OPA1: variants seen among roughly 807,000 people sequenced by gnomAD.
The protein encoded by OPA1 is OPA1 mitochondrial dynamin like GTPase.
Under a neutral mutation model 152.9 loss-of-function variants are expected in OPA1, and 59 were observed. The ratio of observed to expected loss-of-function variants is 0.39; its 90% CI spans 0.31 to 0.48. The LOEUF (loss-of-function observed/expected upper bound fraction) is 0.48, where lower values mean the gene tolerates loss of function less well. OPA1 is among the 20% of genes least tolerant of loss of function. OPA1 has a pLI of 0.96. For synonymous variants in OPA1, 400 were observed against 389.9 expected (o/e 1.03, Z -0.31); for missense variants, 1,008 against 1,216.8 (o/e 0.83, Z 2.55).
rs771425212 is a variant in OPA1, at chr3:193,655,036, A to G, written c.2178+9A>G. 6 of 1,611,532 alleles carry G rather than the reference A, an allele frequency of 3.7e-6. No individual in the cohort carries two copies. The highest frequency in any genetic ancestry group is 1.7e-5 in the Admixed American group (1 of 60,010). Reference sequence around the variant, plus strand: ...CTAATAAAGCAGTAGAGGTTAGGATATAATTTAATTAAATGGGTAAGAAGC... The same window carrying G: ...CTAATAAAGCAGTAGAGGTTAGGATGTAATTTAATTAAATGGGTAAGAAGC... On this transcript the variant is annotated intron_variant, in intron 22 of 30. Transcript: ENST00000361510.
chr3:193,662,674 GTTCTTTCTTGTGT>G (rs1715571719), intron 25 of OPA1, 135 bp from the exon 26 acceptor site: 2 of 703,044 alleles, frequency 2.8e-6, no homozygotes, highest in Non-Finnish European at 2.4e-6. Context: ...GGGGTGCTGT[GTTCTTTCTTGTGT>G]TTCTTTCTTG....
At chr3:193,685,039 C>T (rs574568769) in intron 29 of OPA1, among the ~76,000 whole-genome samples, 12 of 152,140 alleles carry the variant, frequency 7.9e-5, no homozygotes, top group South Asian at 2.1e-4. Context: ...CGGTGGTTCA[C>T]GCCTGTAATC....
intron 1 of OPA1, among the ~76,000 whole-genome samples, chr3:193,596,085 T>C (rs1309522855): frequency 6.6e-6 from 1 of 152,050 alleles, no homozygotes. Context: ...TGAATCCCAG[T>C]AGATCCTTTT....
chr3:193,654,031 T>A (rs1713178783), intron 21 of OPA1, among the ~76,000 whole-genome samples: 1 of 152,150 alleles, frequency 6.6e-6, no homozygotes, highest in South Asian at 2.1e-4. Flanking sequence ...ATTCCACTCT[T>A]AGGTATTTAC....
intron 21 of OPA1, among the ~76,000 whole-genome samples, chr3:193,649,189 A>C (rs1189025134): frequency 6.6e-6 from 1 of 152,086 alleles, no homozygotes; most frequent in Non-Finnish European, 1.5e-5. Context: ...AACCTGTCAA[A>C]ATTGATTTAT....
intron 26 of OPA1, among the ~76,000 whole-genome samples, chr3:193,664,409 G>A (rs1716035041): frequency 6.6e-6 from 1 of 151,818 alleles, no homozygotes; most frequent in Admixed American, 6.6e-5. Context: ...AGAGTATCTA[G>A]TAATAAAGTG....
chr3:193,658,178 G>A (rs1714332257), intron 23 of OPA1, among the ~76,000 whole-genome samples: 1 of 151,302 alleles, frequency 6.6e-6, no homozygotes, highest in African/African-American at 2.4e-5. Context: ...CCAGGAAGGG[G>A]AGGTTGCGGT....
rs768251270 is a variant in OPA1 at position 193,617,151 on chromosome 3, T to C, written c.449-27T>C. 35 of 1,337,558 alleles carry C rather than the reference T, an allele frequency of 2.6e-5. No homozygotes were observed. In the South Asian group the frequency reaches 4.0e-4, roughly 15 times the overall value. 82.9% of individuals were successfully genotyped at this position (1,337,558 alleles called of 1,614,324 possible). On this transcript the variant is annotated intron_variant, in intron 3 of 30. Coordinates refer to ENST00000361510, the MANE Select transcript of OPA1 (RefSeq NM_130837.3). ...TATCTGACATATTTTCTTAGTTTCA[T>C]ACTCTATATGTTTTGATCTTTTCCA...
chr3:193,658,968 G>C lies in OPA1; in HGVS notation c.2413G>C (p.Glu805Gln). The C allele has an allele frequency of 6.2e-7, 1 of 1,613,666 alleles. No homozygotes were observed. The highest frequency in any genetic ancestry group is 8.5e-7 in the Non-Finnish European group (1 of 1,179,606). The change falls in exon 24 of 31, where the codon GAG becomes CAG. Residue 805 changes from glutamate (E) to glutamine (Q), a missense_variant. By Grantham distance (29) the Glu-to-Gln change is conservative. Transcript: ENST00000361510. ...GGATGCAGCTATTTATTTTATGGAA[G>C]AGGCTCTGCAGGCTCGTCTCAAGGA... ...QWDAAIYFME[E>Q]ALQARLKDTE...
At position 193,642,604 on chromosome 3, in the gene OPA1, A is replaced by G. The variant is rs57034161; in HGVS notation, c.1150-161A>G. ...ACAAATACAAAATTATTGTCTTGTC[A>G]GAACTACCATGTTGACAGCTTCAGG... On this transcript the variant is annotated intron_variant, in intron 11 of 30. Transcript: ENST00000361510. Among the ~76,000 whole-genome samples, 873 of 152,356 alleles carry G rather than the reference A, an allele frequency of 5.7e-3. 11 individuals carry two copies. Among genetic ancestry groups the G allele is most frequent in the African/African-American group, 0.02 (819 of 41,582 alleles).
At chr3:193,687,680 T>C (rs765103177) in intron 29 of OPA1, among the ~76,000 whole-genome samples, 7 of 152,212 alleles carry the variant, frequency 4.6e-5, no homozygotes, top group Non-Finnish European at 7.3e-5. Flanking sequence ...AACATTTAAC[T>C]TCATTGTTTA....
At chr3:193,626,279 C>G in intron 7 of OPA1, 77 bp downstream of exon 7, 1 of 968,914 alleles carries the variant, frequency 1.0e-6, no homozygotes, top group African/African-American at 1.6e-5. Flanking sequence ...TCACCTCAAT[C>G]TGTTCATGGA....
intron 1 of OPA1, among the ~76,000 whole-genome samples, chr3:193,601,474 G>A (rs1726454631): frequency 1.3e-5 from 2 of 152,184 alleles, no homozygotes; most frequent in African/African-American, 2.4e-5. Context: ...GGTTGGAAAA[G>A]GGGGCCACCT....
chr3:193,660,161 G>A (rs944107768), intron 25 of OPA1, among the ~76,000 whole-genome samples: 1 of 152,024 alleles, frequency 6.6e-6, no homozygotes, highest in African/African-American at 2.4e-5. Context: ...TGATTGGCGG[G>A]AAAAGATACA....
chr3:193,632,902 C>T (rs1182497403), intron 8 of OPA1, among the ~76,000 whole-genome samples: 1 of 152,112 alleles, frequency 6.6e-6, no homozygotes, highest in East Asian at 1.9e-4. Context: ...TCTTGGATCT[C>T]TTTTTTGTGA....
At chr3:193,604,636 G>A (rs1349841060) in intron 1 of OPA1, among the ~76,000 whole-genome samples, 30 of 152,140 alleles carry the variant, frequency 2.0e-4, no homozygotes, top group Admixed American at 1.6e-3. Context: ...TGAGGCAGGC[G>A]GATCACCTGA....
At chr3:193,605,734 C>T (rs1727154716) in intron 1 of OPA1, among the ~76,000 whole-genome samples, 1 of 152,148 alleles carries the variant, frequency 6.6e-6, no homozygotes, top group South Asian at 2.1e-4. Flanking sequence ...AAATCTTGCC[C>T]TACCAAGTTT....
chr3:193,697,612 A>G lies in OPA1; in HGVS notation c.*3012A>G, dbSNP rs1722363115. ...AGAAACCTGTATACCTAGGGTCATT[A>G]TTTGACCCCATAGTATAACCAGATT... On this transcript the variant is annotated 3_prime_UTR_variant, in exon 31 of 31. Coordinates refer to ENST00000361510, the MANE Select transcript of OPA1 (RefSeq NM_130837.3). 1 of 152,152 alleles carries G rather than the reference A, an allele frequency of 6.6e-6. No individual in the cohort carries two copies. Among genetic ancestry groups the G allele is most frequent in the African/African-American group, 2.4e-5 (1 of 41,434 alleles). 9.4% of individuals were successfully genotyped at this position (152,152 alleles called of 1,614,324 possible).
Position 193,626,102 on chromosome 3 carries a change from G to A in OPA1, c.689G>A (p.Gly230Asp). 1 of 1,613,800 alleles carries A rather than the reference G, an allele frequency of 6.2e-7. No homozygotes were observed. ...SDKHFRKGLL[G>D]ELILLQQQIQ... ...GTGAACTCGTGGCAGGGTCTGCTTGGTGAGCTCATTCTCTTACAACAACAA... is the reference window on the plus strand; with the variant it reads ...GTGAACTCGTGGCAGGGTCTGCTTGATGAGCTCATTCTCTTACAACAACAA... The change falls in exon 7 of 31, where the codon GGT becomes GAT. Residue 230 changes from glycine to aspartate, a missense_variant. Physicochemically the swap from Gly to Asp is moderately conservative, Grantham distance 94. Coordinates refer to ENST00000361510, the MANE Select transcript of OPA1 (RefSeq NM_130837.3).
Sources: gnomAD v4.1 joint callset for allele counts (sites outside exome capture counted in the v4.1 genomes callset) on GRCh38, gnomAD v4.1.1 for gene constraint, MANE v1.5 for transcripts, NCBI Gene and HGNC (gene_info 2026-07-23, HGNC 2026-07-21) for gene names.